The following CASZ1 variants were observed in gnomAD, a reference collection of about 807,000 sequenced individuals.
The protein encoded by CASZ1 is castor zinc finger 1.
A neutral mutation model predicts 135.2 loss-of-function variants in CASZ1; 28 were observed. The observed-to-expected ratio is 0.21, with a 90% CI of 0.15 to 0.28. The LOEUF (loss-of-function observed/expected upper bound fraction) is 0.28. Among genes scored for constraint, CASZ1 ranks in the 10% least tolerant of loss-of-function variants. The probability of loss-of-function intolerance (pLI) is 1.00; values close to 1 mark genes in which losing one functional copy is unlikely to be tolerated. For synonymous variants in CASZ1, 1,068 were observed against 1,073.4 expected, an observed-to-expected ratio of 0.99 and a Z score of 0.10; for missense variants, 2,161 against 2,453.3, an observed-to-expected ratio of 0.88 and a Z score of 2.52.
chr1:10,714,763 C>A (rs1317372885), intron 2 of CASZ1, among the ~76,000 whole-genome samples: 1 of 152,226 alleles, frequency 6.6e-6, no homozygotes, highest in African/African-American at 2.4e-5. Flanking sequence ...TCTGGCCTGA[C>A]CCTGTCACTT....
intron 1 of CASZ1, among the ~76,000 whole-genome samples, chr1:10,779,885 A>T (rs925450145): frequency 6.6e-6 from 1 of 152,172 alleles, no homozygotes; most frequent in Non-Finnish European, 1.5e-5. Flanking sequence ...GTTTATTTGC[A>T]AGATTCCAGC....
rs1640504127 is a variant in CASZ1 at position 10,767,835 on chromosome 1, C to T, written c.-233-6978G>A. Among the ~76,000 whole-genome samples the T allele has an allele frequency of 6.6e-6, 1 of 152,154 alleles. No individual in the cohort carries two copies. The highest frequency in any genetic ancestry group is 1.5e-5 in the Non-Finnish European group (1 of 68,028). On this transcript the variant is annotated intron_variant, in intron 1 of 20. Transcript: ENST00000377022. The surrounding 1 kb of genome is among the most constrained non-coding windows in gnomAD (Gnocchi z 4.2). ...CCCGGGGATCACTTCCCTCGCTGGC[C>T]CTGTCCACAGCCCTCGGCCCATGAG...
In CASZ1 at chr1:10,757,846, C is replaced by T. The variant is rs1333760746; in HGVS notation, c.-77+2855G>A. ...CACTTTACCTCTGGCTCAAAACCCT[C>T]CAGCGGCTTCCTATCACCTAAGCAT... On this transcript the variant is annotated intron_variant, in intron 2 of 20. Transcript: ENST00000377022. This position sits in a 1 kb window ranked among gnomAD's most constrained non-coding sequence, Gnocchi z 4.6. Among the ~76,000 whole-genome samples the T allele has an allele frequency of 6.6e-6, 1 of 152,104 alleles. No homozygotes were observed. Among genetic ancestry groups the T allele is most frequent in the Non-Finnish European group, 1.5e-5 (1 of 68,012 alleles).
chr1:10,743,471 C>CT (rs1639968869), intron 2 of CASZ1, among the ~76,000 whole-genome samples: 2 of 151,566 alleles, frequency 1.3e-5, no homozygotes, highest in Admixed American at 1.3e-4. Context: ...AAGTGTACCC[C>CT]GGCATCCTCC....
intron 1 of CASZ1, among the ~76,000 whole-genome samples, chr1:10,779,744 A>C (rs1447390281): frequency 6.6e-6 from 1 of 152,348 alleles, no homozygotes; most frequent in East Asian, 1.9e-4. Flanking sequence ...TCATATAATA[A>C]ACATTTTTCC....
At chr1:10,718,857 T>G (rs1005374616) in intron 2 of CASZ1, among the ~76,000 whole-genome samples, 2 of 152,112 alleles carry the variant, frequency 1.3e-5, no homozygotes, top group African/African-American at 4.8e-5. Flanking sequence ...AATTACTGCC[T>G]CTTTCTTTTT....
intron 4 of CASZ1, among the ~76,000 whole-genome samples, chr1:10,689,647 G>A (rs573742276): frequency 5.3e-5 from 8 of 152,252 alleles, no homozygotes; most frequent in Admixed American, 2.0e-4. Flanking sequence ...TTCCTCTGAC[G>A]TCTTGCAACT....
rs754256431 is a variant in CASZ1 at position 10,659,906 on chromosome 1, C to T, written c.1136G>A (p.Arg379Gln). The change falls in exon 6 of 21, where the codon CGG becomes CAG. Residue 379 changes from arginine to glutamine, a missense_variant. Coordinates refer to ENST00000377022, the MANE Select transcript of CASZ1 (RefSeq NM_001079843.3). ...KVGRPSKYDV[R>Q]GIQKPGPAKV... ...GGCGGGGCCTGGCTTCTGGATGCCC[C>T]GGACGTCGTACTTGGAAGGGCGCCC... 69 of 1,611,364 alleles carry T rather than the reference C, an allele frequency of 4.3e-5. No homozygotes were observed. In the Admixed American group the frequency reaches 5.7e-4, roughly 13 times the overall value.
Position 10,670,626 on chromosome 1 carries a change from G to A in CASZ1, c.17-5055C>T, listed in dbSNP as rs371875120. On this transcript the variant is annotated intron_variant, in intron 4 of 20. Coordinates refer to ENST00000377022, the MANE Select transcript of CASZ1 (RefSeq NM_001079843.3). The stretch of plus-strand genomic sequence containing the variant: ...CACAGGCAGCCCTGGCTCCTGTGCC[G>A]CGGATCCTCAGTTCAGACTTGGGAA... Among the ~76,000 whole-genome samples the A allele has an allele frequency of 1.4e-3, 209 of 152,338 alleles. 1 individual carries two copies. Among genetic ancestry groups the A allele is most frequent in the African/African-American group, 4.7e-3 (194 of 41,568 alleles).
intron 2 of CASZ1, among the ~76,000 whole-genome samples, chr1:10,716,439 T>C (rs1170506488): frequency 1.3e-5 from 2 of 152,208 alleles, no homozygotes; most frequent in African/African-American, 4.8e-5. Context: ...GGCTTAAATC[T>C]GGCTTGCTCA....
intron 2 of CASZ1, among the ~76,000 whole-genome samples, chr1:10,730,788 T>C (rs940021117): frequency 6.6e-6 from 1 of 152,202 alleles, no homozygotes; most frequent in African/African-American, 2.4e-5. Context: ...AGACCAGTAA[T>C]GATACTAATG....
chr1:10,723,793 G>T (rs924647955), intron 2 of CASZ1, among the ~76,000 whole-genome samples: 2 of 152,150 alleles, frequency 1.3e-5, no homozygotes, highest in African/African-American at 4.8e-5. Flanking sequence ...TCATCCAGCG[G>T]TCACATTTCC....
At chr1:10,696,072 A>G (rs1399633881) in intron 3 of CASZ1, among the ~76,000 whole-genome samples, 3 of 152,228 alleles carry the variant, frequency 2.0e-5, no homozygotes, top group Middle Eastern at 3.4e-3. Flanking sequence ...CAATATTTCT[A>G]TTTTGCAAAG....
Position 10,649,431 on chromosome 1 carries a change from G to A in CASZ1, c.2887C>T (p.Gln963Ter). 1 of 1,608,758 alleles carries A rather than the reference G, an allele frequency of 6.2e-7. No homozygotes were observed. Among genetic ancestry groups the A allele is most frequent in the Non-Finnish European group, 8.5e-7 (1 of 1,177,394 alleles). Residue 963 changes from glutamine (Q) to a stop codon, truncating the protein, a stop_gained, in exon 14 of 21, where the codon CAG (glutamine) becomes TAG (stop). Transcript: ENST00000377022. LOFTEE classifies it high-confidence loss of function. ...LLSSLMNKMSQGNPGLGSLLN... is the reference protein window; with the variant it reads ...LLSSLMNKMS ...AGGCTGCCCAGGCCAGGGTTGCCCT[G>A]AGACATCTGTGAGGGACAGAGGCCG...
At chr1:10,770,961 C>A (rs541885183) in intron 1 of CASZ1, among the ~76,000 whole-genome samples, 1 of 152,118 alleles carries the variant, frequency 6.6e-6, no homozygotes. Context: ...CAAGGAGAGA[C>A]GTGCTTTTCC....
intron 2 of CASZ1, among the ~76,000 whole-genome samples, chr1:10,732,728 G>T (rs1391285976): frequency 6.6e-6 from 1 of 152,206 alleles, no homozygotes; most frequent in African/African-American, 2.4e-5. Context: ...CTTGAAAAGG[G>T]TCTGGCTCCC....
intron 3 of CASZ1, among the ~76,000 whole-genome samples, chr1:10,695,731 T>C (rs934267987): frequency 6.6e-6 from 1 of 152,038 alleles, no homozygotes; most frequent in Non-Finnish European, 1.5e-5. Context: ...GGTTCTCCCC[T>C]CCATGAACCG....
intron 5 of CASZ1, 63 bp from the exon 6 acceptor site, chr1:10,660,599 C>CG (rs766240679): frequency 1.4e-6 from 2 of 1,465,642 alleles, no homozygotes; most frequent in African/African-American, 2.8e-5. Context: ...GAGGTCCCCC[C>CG]ACTGGGGGCC....
chr1:10,738,322 G>A (rs1639841031), intron 2 of CASZ1, among the ~76,000 whole-genome samples: 2 of 152,334 alleles, frequency 1.3e-5, no homozygotes, highest in South Asian at 2.1e-4. Flanking sequence ...GGACGCTGAC[G>A]CGGCAGGAAA....
Sources: allele counts gnomAD v4.1 joint callset (sites outside exome capture counted in the v4.1 genomes callset), GRCh38; gene constraint gnomAD v4.1.1; non-coding constraint Gnocchi (gnomAD v3.1); transcripts MANE v1.5; gene names NCBI Gene and HGNC (gene_info 2026-07-23, HGNC 2026-07-21).